C1QTNF3: variants seen among roughly 807,000 people sequenced by gnomAD.
C1QTNF3 encodes the protein C1q and TNF related 3.
In C1QTNF3, 26 loss-of-function variants were observed where a neutral mutation model predicts 32.6. The ratio of observed to expected loss-of-function variants is 0.80; its 90% CI spans 0.58 to 1.11. The LOEUF (loss-of-function observed/expected upper bound fraction) is 1.11. Among genes scored for constraint, C1QTNF3 ranks in the 50% least tolerant of loss-of-function variants. The pLI is 0.00. For synonymous variants in C1QTNF3, 155 were observed against 146.0 expected (o/e 1.06, Z -0.44); for missense variants, 362 against 398.2 (o/e 0.91, Z 0.77).
At chr5:34,209,163 A>G in the C1QTNF3 span, among the ~76,000 whole-genome samples, 1 of 152,236 alleles carries the variant, frequency 6.6e-6, no homozygotes, top group Non-Finnish European at 1.5e-5. Context: ...TCGAATGAAT[A>G]TGCTGGTAAT....
At chr5:34,088,614 A>G in the C1QTNF3 span, among the ~76,000 whole-genome samples, 2 of 152,298 alleles carry the variant, frequency 1.3e-5, no homozygotes, top group South Asian at 4.1e-4. Flanking sequence ...TTATGTTTAA[A>G]TTTTGTCTCC....
the C1QTNF3 span, among the ~76,000 whole-genome samples, chr5:34,207,998 C>G: frequency 2.0e-5 from 3 of 152,062 alleles, no homozygotes; most frequent in Admixed American, 6.5e-5. Flanking sequence ...CACCGTGTTA[C>G]CCACAATGGT....
chr5:34,234,226 C>G, the C1QTNF3 span, among the ~76,000 whole-genome samples: 1 of 152,012 alleles, frequency 6.6e-6, no homozygotes, highest in Non-Finnish European at 1.5e-5. Context: ...ATAGCTTAAA[C>G]CAAGTAGAAG....
the C1QTNF3 span, among the ~76,000 whole-genome samples, chr5:34,197,525 A>G: frequency 6.6e-6 from 1 of 152,166 alleles, no homozygotes; most frequent in Middle Eastern, 3.2e-3. Context: ...ATGATCATGT[A>G]TTTTTCCATT....
At chr5:34,108,452 T>A in the C1QTNF3 span, among the ~76,000 whole-genome samples, 1 of 152,182 alleles carries the variant, frequency 6.6e-6, no homozygotes, top group Non-Finnish European at 1.5e-5. Flanking sequence ...AATAGCATGG[T>A]TCTTAAACAA....
chr5:34,196,961 A>G, the C1QTNF3 span, among the ~76,000 whole-genome samples: 3 of 152,340 alleles, frequency 2.0e-5, no homozygotes, highest in African/African-American at 7.2e-5. Context: ...CGCCTGGCCA[A>G]TTTTTATTTC....
chr5:34,212,955 C>G, the C1QTNF3 span, among the ~76,000 whole-genome samples: 1 of 151,944 alleles, frequency 6.6e-6, no homozygotes, highest in Non-Finnish European at 1.5e-5. Context: ...CACATGCACA[C>G]GTATGTTTAT....
chr5:34,128,862 GT>G, the C1QTNF3 span, among the ~76,000 whole-genome samples: 89 of 152,320 alleles, frequency 5.8e-4, 1 homozygote, highest in Middle Eastern at 3.4e-3. Flanking sequence ...GCTGGAATGA[GT>G]TAAGACTTTG....
the C1QTNF3 span, among the ~76,000 whole-genome samples, chr5:34,073,146 T>G: frequency 1.3e-5 from 2 of 151,986 alleles, no homozygotes; most frequent in Non-Finnish European, 2.9e-5. Context: ...GCTAACACGG[T>G]GAAACCCTGT....
At chr5:34,083,764 A>G in the C1QTNF3 span, among the ~76,000 whole-genome samples, 1 of 151,804 alleles carries the variant, frequency 6.6e-6, no homozygotes, top group Non-Finnish European at 1.5e-5. Flanking sequence ...TTTCCAAAAC[A>G]TTTTATAAAG....
At chr5:34,065,967 G>A in the C1QTNF3 span, among the ~76,000 whole-genome samples, 1 of 152,058 alleles carries the variant, frequency 6.6e-6, no homozygotes, top group Non-Finnish European at 1.5e-5. Flanking sequence ...AAGAAAATGT[G>A]ATACATATAC....
chr5:34,020,854 G>T, intron 5 of C1QTNF3, 112 bp from the exon 6 acceptor site: 1 of 1,145,854 alleles, frequency 8.7e-7, no homozygotes, highest in Non-Finnish European at 1.3e-6. Flanking sequence ...CTGCGGCTAA[G>T]TTCTCTAAAC....
chr5:34,213,351 A>G, the C1QTNF3 span, among the ~76,000 whole-genome samples: 4 of 152,210 alleles, frequency 2.6e-5, no homozygotes, highest in African/African-American at 9.6e-5. Context: ...ACAAGGCTAT[A>G]TTTCATTTAA....
At chr5:34,067,808 G>T in the C1QTNF3 span, among the ~76,000 whole-genome samples, 1 of 152,140 alleles carries the variant, frequency 6.6e-6, no homozygotes. Flanking sequence ...TTGAAGCTGG[G>T]AGCTAAATAC....
chr5:34,123,520 A>G, the C1QTNF3 span, among the ~76,000 whole-genome samples: 1 of 152,062 alleles, frequency 6.6e-6, no homozygotes, highest in Non-Finnish European at 1.5e-5. Context: ...TTTTATTCTC[A>G]GAAAAATCTT....
At chr5:34,209,632 T>C in the C1QTNF3 span, among the ~76,000 whole-genome samples, 8 of 152,232 alleles carry the variant, frequency 5.3e-5, no homozygotes, top group African/African-American at 1.4e-4. Flanking sequence ...GAATAAGATT[T>C]ACAAACCTTG....
the C1QTNF3 span, among the ~76,000 whole-genome samples, chr5:34,084,600 A>G: frequency 2.1e-4 from 32 of 151,310 alleles, no homozygotes; most frequent in South Asian, 1.9e-3. Flanking sequence ...GCCTCACCAC[A>G]TCACCTTGTG....
chr5:34,020,499 C>T lies in C1QTNF3; in HGVS notation c.*84G>A, dbSNP rs1047373124. 1 of 1,491,432 alleles carries T rather than the reference C, an allele frequency of 6.7e-7. No individual in the cohort carries two copies. 92.4% of individuals were successfully genotyped at this position (1,491,432 alleles called of 1,614,324 possible). Reference sequence around the variant, plus strand: ...ATTTTTTGAATACAGCAATGTAAAACCCTCAACTTTAATGTTCCTCAGATC... The same window carrying T: ...ATTTTTTGAATACAGCAATGTAAAATCCTCAACTTTAATGTTCCTCAGATC... On this transcript the variant is annotated 3_prime_UTR_variant, in exon 6 of 6. Coordinates refer to ENST00000382065, the MANE Select transcript of C1QTNF3 (RefSeq NM_181435.6).
At chr5:34,108,074 C>A in the C1QTNF3 span, among the ~76,000 whole-genome samples, 1 of 152,022 alleles carries the variant, frequency 6.6e-6, no homozygotes, top group Admixed American at 6.6e-5. Flanking sequence ...TTTTATGAGC[C>A]CCCCCTCTCC....
Sources: gnomAD v4.1 joint callset for allele counts (sites outside exome capture counted in the v4.1 genomes callset) on GRCh38, gnomAD v4.1.1 for gene constraint, MANE v1.5 for transcripts, NCBI Gene and HGNC (gene_info 2026-07-23, HGNC 2026-07-21) for gene names.